ZC2HC1B: variants seen among roughly 807,000 people sequenced by gnomAD.
ZC2HC1B encodes the protein zinc finger C2HC domain-containing protein 1B.
Under a neutral mutation model 31.0 loss-of-function variants are expected in ZC2HC1B, and 36 were observed. That is an observed-to-expected ratio of 1.16 (90% CI 0.89 to 1.54). The LOEUF (loss-of-function observed/expected upper bound fraction) is 1.54, where lower values mean the gene tolerates loss of function less well. Ranked by LOEUF, ZC2HC1B falls within the 40% of genes most tolerant of loss-of-function variation. The pLI, the probability that ZC2HC1B is intolerant of heterozygous loss-of-function variation, is 0.00. For synonymous variants in ZC2HC1B, 73 were observed against 88.0 expected (o/e 0.83, Z 0.95); for missense variants, 260 against 268.6 (o/e 0.97, Z 0.22).
chr6:143,905,902 C>A lies in ZC2HC1B; in HGVS notation c.598+2750C>A, dbSNP rs1247094239. On this transcript the variant is annotated intron_variant, in intron 6 of 7. Transcript: ENST00000237275. This position sits in a 1 kb window ranked among gnomAD's most constrained non-coding sequence, Gnocchi z 4.2. ...CCATCCCTGTATCCCAGGAACAAATCTCACATGGTCATGGTGTATAATCCT... is the reference window on the plus strand; with the variant it reads ...CCATCCCTGTATCCCAGGAACAAATATCACATGGTCATGGTGTATAATCCT... 6.6e-6 allele frequency among the ~76,000 whole-genome samples: 1 copy of A among 152,158 alleles called. No individual in the cohort carries two copies. Among genetic ancestry groups the A allele is most frequent in the Non-Finnish European group, 1.5e-5 (1 of 68,016 alleles).
chr6:143,934,112 C>T lies in ZC2HC1B; in HGVS notation c.599-3537C>T, dbSNP rs1175635753. 6.6e-6 allele frequency among the ~76,000 whole-genome samples: 1 copy of T among 152,206 alleles called. No homozygotes were observed. Among genetic ancestry groups the T allele is most frequent in the Non-Finnish European group, 1.5e-5 (1 of 68,030 alleles). On this transcript the variant is annotated intron_variant, in intron 6 of 7. Coordinates refer to ENST00000237275, the MANE Select transcript of ZC2HC1B (RefSeq NM_001013623.3). The surrounding 1 kb of genome is among the most constrained non-coding windows in gnomAD (Gnocchi z 4.6). ...GCTCTAGGTAAGGCTAAATTCTTCT[C>T]CCGTAATCTGGATTTTTCAGGTTCC...
In ZC2HC1B at chr6:143,899,524, T is replaced by C. The variant is rs1777709093; in HGVS notation, c.489+833T>C. ...CTGAGTAGCTGGAACTACAGGTGCATAGCACCACGCCCAGCTAATTTTTTG... is the reference window on the plus strand; with the variant it reads ...CTGAGTAGCTGGAACTACAGGTGCACAGCACCACGCCCAGCTAATTTTTTG... On this transcript the variant is annotated intron_variant, in intron 5 of 7. Transcript: ENST00000237275. This position sits in a 1 kb window ranked among gnomAD's most constrained non-coding sequence, Gnocchi z 5.0. 6.6e-6 allele frequency among the ~76,000 whole-genome samples: 1 copy of C among 152,160 alleles called. No individual in the cohort carries two copies. Among genetic ancestry groups the C allele is most frequent in the Non-Finnish European group, 1.5e-5 (1 of 68,024 alleles).
intron 1 of ZC2HC1B, among the ~76,000 whole-genome samples, chr6:143,874,003 T>C (rs1260535641): frequency 6.6e-6 from 1 of 152,194 alleles, no homozygotes; most frequent in Admixed American, 6.5e-5. Flanking sequence ...AGTTGCAAAT[T>C]TTCTGAACTT....
At chr6:143,888,892 G>A (rs754833555) in intron 4 of ZC2HC1B, among the ~76,000 whole-genome samples, 3 of 151,586 alleles carry the variant, frequency 2.0e-5, no homozygotes, top group South Asian at 2.1e-4. Context: ...TTTCTTTTTC[G>A]AACCTAAATC....
At chr6:143,935,906 T>C (rs1778173064) in intron 6 of ZC2HC1B, among the ~76,000 whole-genome samples, 1 of 152,124 alleles carries the variant, frequency 6.6e-6, no homozygotes, top group Non-Finnish European at 1.5e-5. Context: ...TGCCTTGGCC[T>C]CTCAAAGTAT....
In ZC2HC1B at chr6:143,903,130, G is replaced by A. The variant is rs1009991322; in HGVS notation, c.576G>A (p.Thr192=). The A allele has an allele frequency of 1.2e-5, 18 of 1,552,142 alleles. No homozygotes were observed. Among genetic ancestry groups the A allele is most frequent in the Middle Eastern group, 1.7e-4 (1 of 5,992 alleles). Reference sequence around the variant, plus strand: ...TGCAGAACAGGGTCCTGGTGGCCACGAATGAAGTCCCAACCAAGTCAGGTG... The same window carrying A: ...TGCAGAACAGGGTCCTGGTGGCCACAAATGAAGTCCCAACCAAGTCAGGTG... ...ALLQNRVLVA[T]NEVPTKSGLA... is the part of the protein sequence containing the mutation. The change falls in exon 6 of 8, where the codon ACG becomes ACA. Residue 192 remains threonine, a synonymous_variant. Transcript: ENST00000237275. This position sits in a 1 kb window ranked among gnomAD's most constrained non-coding sequence, Gnocchi z 4.3.
At chr6:143,902,343 G>A (rs1247314518) in intron 5 of ZC2HC1B, among the ~76,000 whole-genome samples, 1 of 152,132 alleles carries the variant, frequency 6.6e-6, no homozygotes, top group Non-Finnish European at 1.5e-5. Flanking sequence ...TTAACCAAAA[G>A]AGACCAATAT....
Position 143,934,628 on chromosome 6 carries a change from A to T in ZC2HC1B, c.599-3021A>T, listed in dbSNP as rs1013324250. On this transcript the variant is annotated intron_variant, in intron 6 of 7. Transcript: ENST00000237275. This position sits in a 1 kb window ranked among gnomAD's most constrained non-coding sequence, Gnocchi z 4.6. Reference sequence around the variant, plus strand: ...AAGACTTCTTCCTACATATGTATCTATAGTGATAGTTGGGTAGGGCACTTT... The same window carrying T: ...AAGACTTCTTCCTACATATGTATCTTTAGTGATAGTTGGGTAGGGCACTTT... 2.6e-5 allele frequency among the ~76,000 whole-genome samples: 4 copies of T among 152,218 alleles called. No homozygotes were observed. Among genetic ancestry groups the T allele is most frequent in the South Asian group, 2.1e-4 (1 of 4,832 alleles).
At chr6:143,878,205 G>A (rs1393895116) in intron 1 of ZC2HC1B, among the ~76,000 whole-genome samples, 1 of 150,908 alleles carries the variant, frequency 6.6e-6, no homozygotes, top group African/African-American at 2.4e-5. Context: ...GAACAAGGTA[G>A]TACTCTACTT....
chr6:143,867,220 A>G (rs763896365), intron 1 of ZC2HC1B, among the ~76,000 whole-genome samples: 5 of 152,244 alleles, frequency 3.3e-5, no homozygotes, highest in Non-Finnish European at 5.9e-5. Context: ...AGGGATACTT[A>G]ACCTGCATTA....
chr6:143,894,779 T>C (rs1376683802), intron 4 of ZC2HC1B, among the ~76,000 whole-genome samples: 1 of 152,216 alleles, frequency 6.6e-6, no homozygotes, highest in Non-Finnish European at 1.5e-5. Context: ...ACTACAGGGT[T>C]GATGGCTACC....
At position 143,900,548 on chromosome 6, in the gene ZC2HC1B, C is replaced by T. The variant is rs565069931; in HGVS notation, c.489+1857C>T. 2.0e-5 allele frequency among the ~76,000 whole-genome samples: 3 copies of T among 152,118 alleles called. No individual in the cohort carries two copies. The South Asian group carries it at 6.2e-4, about 32-fold the overall frequency. ...TAAATGCCCTAAAATCAAGGACTGT[C>T]CTTGATTGACAGGTCCTTGATTAAC... On this transcript the variant is annotated intron_variant, in intron 5 of 7. Coordinates refer to ENST00000237275, the MANE Select transcript of ZC2HC1B (RefSeq NM_001013623.3).
chr6:143,906,111 A>G (rs1777791763), intron 6 of ZC2HC1B, among the ~76,000 whole-genome samples: 1 of 152,142 alleles, frequency 6.6e-6, no homozygotes, highest in African/African-American at 2.4e-5. Flanking sequence ...GGTTGGTGTT[A>G]GTTTTTCTTT....
In ZC2HC1B at chr6:143,922,218, A is replaced by T. The variant is rs993631746; in HGVS notation, c.599-15431A>T. Among the ~76,000 whole-genome samples, 5 of 152,212 alleles carry T rather than the reference A, an allele frequency of 3.3e-5. No homozygotes were observed. The highest frequency in any genetic ancestry group is 1.2e-4 in the African/African-American group (5 of 41,458). On this transcript the variant is annotated intron_variant, in intron 6 of 7. Coordinates refer to ENST00000237275, the MANE Select transcript of ZC2HC1B (RefSeq NM_001013623.3). This position sits in a 1 kb window ranked among gnomAD's most constrained non-coding sequence, Gnocchi z 5.0. ...TGATATATAATATTTGTACATGTTTATGGAATACATGTGGTATTTTGATAC... is the reference window on the plus strand; with the variant it reads ...TGATATATAATATTTGTACATGTTTTTGGAATACATGTGGTATTTTGATAC...
intron 1 of ZC2HC1B, among the ~76,000 whole-genome samples, chr6:143,867,164 T>C (rs1777274542): frequency 6.6e-6 from 1 of 152,172 alleles, no homozygotes; most frequent in South Asian, 2.1e-4. Flanking sequence ...TGTTCCAAAG[T>C]CTGAAAAAAA....
intron 6 of ZC2HC1B, among the ~76,000 whole-genome samples, chr6:143,919,215 CTCTGTGTG>C (rs200490563): frequency 0.061 from 7,515 of 124,074 alleles, 537 homozygotes; most frequent in East Asian, 0.38. Context: ...GTTTGCTATT[CTCTGTGTG>C]TGTGTGTGTG....
At chr6:143,928,198 G>A (rs1300542778) in intron 6 of ZC2HC1B, among the ~76,000 whole-genome samples, 1 of 152,064 alleles carries the variant, frequency 6.6e-6, no homozygotes, top group African/African-American at 2.4e-5. Context: ...CTTTGTGTAG[G>A]CCAATGTCCA....
At chr6:143,932,111 G>A (rs953784273) in intron 6 of ZC2HC1B, among the ~76,000 whole-genome samples, 4 of 152,034 alleles carry the variant, frequency 2.6e-5, no homozygotes, top group African/African-American at 9.7e-5. Flanking sequence ...CTGACCTCAG[G>A]TGATCCTCAC....
At chr6:143,902,928 C>A in intron 5 of ZC2HC1B, 116 bp from the exon 6 acceptor site, 4 of 874,750 alleles carry the variant, frequency 4.6e-6, no homozygotes, top group Non-Finnish European at 7.1e-6. Flanking sequence ...TCAGGGAGTC[C>A]CTGCAGATGA....
Sources: allele counts gnomAD v4.1 joint callset (sites outside exome capture counted in the v4.1 genomes callset), GRCh38; gene constraint gnomAD v4.1.1; non-coding constraint Gnocchi (gnomAD v3.1); transcripts MANE v1.5; gene names NCBI Gene and HGNC (gene_info 2026-07-23, HGNC 2026-07-21).